Variants in PDE1A observed in about 807,000 individuals in gnomAD.
PDE1A encodes dual specificity calcium/calmodulin-dependent 3',5'-cyclic nucleotide phosphodiesterase 1A.
A neutral mutation model predicts 61.7 loss-of-function variants in PDE1A; 35 were observed. That is an observed-to-expected ratio of 0.57 (90% CI 0.43 to 0.75). The LOEUF is 0.75. PDE1A is among the 30% of genes least tolerant of loss of function. The pLI is 0.00. For synonymous variants in PDE1A, 232 were observed against 213.2 expected (o/e 1.09, Z -0.77); for missense variants, 597 against 630.6 (o/e 0.95, Z 0.57).
At chr2:182,359,614 A>AT (rs898725332) in intron 1 of PDE1A, among the ~76,000 whole-genome samples, 1 of 152,198 alleles carries the variant, frequency 6.6e-6, no homozygotes, top group African/African-American at 2.4e-5. Flanking sequence ...TTAATGAAGT[A>AT]TTTTTTTGTT....
At chr2:182,527,323 AAAAAATATAT>A (rs1690789643), upstream of PDE1A, among the ~76,000 whole-genome samples, 1 of 41,074 alleles carries the variant, frequency 2.4e-5, no homozygotes, top group Non-Finnish European at 4.3e-5. Context: ...AAAAAAAAAA[AAAAAATATAT>A]ATATATATAT....
intron 2 of PDE1A, among the ~76,000 whole-genome samples, chr2:182,462,482 G>C (rs1686371554): frequency 1.3e-5 from 2 of 151,918 alleles, no homozygotes; most frequent in African/African-American, 4.8e-5. Flanking sequence ...TTGTGGAGAG[G>C]GACAAGTGAC....
the PDE1A span, among the ~76,000 whole-genome samples, chr2:182,541,748 A>G: frequency 6.6e-6 from 1 of 152,230 alleles, no homozygotes; most frequent in East Asian, 1.9e-4. Context: ...AATTTAACTG[A>G]TAATAGAGTA....
chr2:182,603,241 A>G, the PDE1A span, among the ~76,000 whole-genome samples: 3 of 109,258 alleles, frequency 2.7e-5, no homozygotes, highest in Non-Finnish European at 5.8e-5. Flanking sequence ...GGAAAATATC[A>G]TCAGTTTTGC....
chr2:182,467,299 G>A (rs1232372263), intron 2 of PDE1A, among the ~76,000 whole-genome samples: 1 of 151,770 alleles, frequency 6.6e-6, no homozygotes, highest in Non-Finnish European at 1.5e-5. Flanking sequence ...AAACAACTTT[G>A]TGCCAATAAA....
chr2:182,321,769 A>G (rs1696710164), intron 1 of PDE1A, among the ~76,000 whole-genome samples: 1 of 152,156 alleles, frequency 6.6e-6, no homozygotes, highest in Non-Finnish European at 1.5e-5. Context: ...TGAAAGTTGT[A>G]CAAACCTTCC....
At chr2:182,312,191 G>A (rs1696024391) in intron 1 of PDE1A, among the ~76,000 whole-genome samples, 2 of 151,798 alleles carry the variant, frequency 1.3e-5, no homozygotes, top group Admixed American at 1.3e-4. Context: ...TATTCTTGAT[G>A]TAAGTCCTTT....
At chr2:182,499,707 AT>A (rs1362879764) in intron 2 of PDE1A, among the ~76,000 whole-genome samples, 2 of 152,238 alleles carry the variant, frequency 1.3e-5, no homozygotes, top group Non-Finnish European at 1.5e-5. Flanking sequence ...TCTTTTACTT[AT>A]GTTTGAACCA....
Position 182,364,721 on chromosome 2 carries a change from A to T in PDE1A, c.53+61857T>A, listed in dbSNP as rs183420848. Among the ~76,000 whole-genome samples, 1,333 of 151,468 alleles carry T rather than the reference A, an allele frequency of 8.8e-3. 18 individuals carry two copies. The highest frequency in any genetic ancestry group is 0.051 in the South Asian group (243 of 4,792). ...GAACTTTTAAGATTTTATAATTTTT[A>T]AAAAAAATAGCATGTTACTTTTCAA... On this transcript the variant is annotated intron_variant, in intron 1 of 13. Transcript: ENST00000351439.
intron 2 of PDE1A, among the ~76,000 whole-genome samples, chr2:182,516,693 G>GAA (rs1690174740): frequency 1.1e-5 from 1 of 94,898 alleles, no homozygotes; most frequent in South Asian, 4.0e-4. Flanking sequence ...AGGAGGGAAG[G>GAA]GAGGAAGGGA....
chr2:182,394,244 G>A lies in PDE1A; in HGVS notation c.53+32334C>T, dbSNP rs1399797518. 4.6e-5 allele frequency among the ~76,000 whole-genome samples: 7 copies of A among 152,274 alleles called. No homozygotes were observed. The East Asian group carries it at 1.3e-3, about 29-fold the overall frequency. On this transcript the variant is annotated intron_variant, in intron 1 of 13. Transcript: ENST00000351439. The stretch of plus-strand genomic sequence containing the variant: ...TCCACATTAACTGTTAGGTTGCGGG[G>A]GGCCTCACAATCACGGCAGGAGTTG...
downstream of PDE1A, among the ~76,000 whole-genome samples, chr2:182,164,001 G>A (rs535344142): frequency 2.6e-5 from 4 of 152,274 alleles, no homozygotes; most frequent in East Asian, 1.9e-4. Flanking sequence ...CTCCTTTTGC[G>A]AGGTAGCTCT....
chr2:182,527,359 T>C (rs1172973482), upstream of PDE1A, among the ~76,000 whole-genome samples: 39 of 35,440 alleles, frequency 1.1e-3, 2 homozygotes, highest in Non-Finnish European at 1.8e-3. Flanking sequence ...TATATATATA[T>C]ATATATATAT....
chr2:182,647,657 A>G, the PDE1A span, among the ~76,000 whole-genome samples: 1 of 152,224 alleles, frequency 6.6e-6, no homozygotes, highest in South Asian at 2.1e-4. Flanking sequence ...GTTGAACACC[A>G]TCTGGTTCCA....
chr2:182,604,044 A>G, the PDE1A span, among the ~76,000 whole-genome samples: 1 of 152,064 alleles, frequency 6.6e-6, no homozygotes, highest in Non-Finnish European at 1.5e-5. Context: ...AAATTCATAC[A>G]CTTTTCCTAA....
At chr2:182,598,401 G>A in the PDE1A span, among the ~76,000 whole-genome samples, 2 of 152,036 alleles carry the variant, frequency 1.3e-5, no homozygotes, top group African/African-American at 2.4e-5. Flanking sequence ...GGGAAACCCT[G>A]TCTCTACTAA....
chr2:182,344,721 TTCTCTC>T (rs773754432), intron 1 of PDE1A, among the ~76,000 whole-genome samples: 1 of 98,822 alleles, frequency 1.0e-5, no homozygotes, highest in Non-Finnish European at 2.3e-5. Context: ...TTTCTTTCCT[TTCTCTC>T]TGTCTCTCTG....
At chr2:182,212,697 C>A (rs535647215) in intron 7 of PDE1A, among the ~76,000 whole-genome samples, 1 of 152,156 alleles carries the variant, frequency 6.6e-6, no homozygotes, top group African/African-American at 2.4e-5. Context: ...CCGAATACTG[C>A]GCTTTTCTGA....
the PDE1A span, among the ~76,000 whole-genome samples, chr2:182,691,931 C>G: frequency 2.5e-4 from 38 of 152,160 alleles, no homozygotes; most frequent in African/African-American, 8.7e-4. Context: ...AAATGCTCAT[C>G]ATCACTGGCA....
Sources: gnomAD v4.1 joint callset for allele counts (sites outside exome capture counted in the v4.1 genomes callset) on GRCh38, gnomAD v4.1.1 for gene constraint, MANE v1.5 for transcripts, NCBI Gene and HGNC (gene_info 2026-07-23, HGNC 2026-07-21) for gene names.